NXN: variants seen among roughly 807,000 people sequenced by gnomAD.
NXN encodes nucleoredoxin 1.
A neutral mutation model predicts 48.6 loss-of-function variants in NXN; 16 were observed. The observed-to-expected ratio is 0.33, with a 90% CI of 0.22 to 0.50. The LOEUF is 0.50. Among genes scored for constraint, NXN ranks in the 20% least tolerant of loss-of-function variants. The pLI, the probability that NXN is intolerant of heterozygous loss-of-function variation, is 0.98. For synonymous variants in NXN, 281 were observed against 269.6 expected, an observed-to-expected ratio of 1.04 and a Z score of -0.41; for missense variants, 492 against 605.5, an observed-to-expected ratio of 0.81 and a Z score of 1.97.
intron 1 of NXN, among the ~76,000 whole-genome samples, chr17:885,394 T>A (rs1207026782): frequency 6.6e-6 from 1 of 151,702 alleles, no homozygotes; most frequent in East Asian, 2.0e-4. Flanking sequence ...GGAGAATCAC[T>A]TGAACCCGGG....
At chr17:948,804 C>T (rs1349770982) in intron 1 of NXN, among the ~76,000 whole-genome samples, 1 of 151,394 alleles carries the variant, frequency 6.6e-6, no homozygotes, top group Non-Finnish European at 1.5e-5. Flanking sequence ...AGGGCCAGGG[C>T]ACGGCCTCCT....
chr17:869,748 G>A (rs980350384), intron 1 of NXN, among the ~76,000 whole-genome samples: 5 of 152,218 alleles, frequency 3.3e-5, no homozygotes, highest in Admixed American at 1.3e-4. Context: ...AAATCTTGAC[G>A]CTCTTTTTCA....
At chr17:851,211 C>A (rs918411975) in intron 1 of NXN, among the ~76,000 whole-genome samples, 2 of 152,214 alleles carry the variant, frequency 1.3e-5, no homozygotes, top group African/African-American at 4.8e-5. Context: ...CCGGGGGATG[C>A]GGTGGGGAGG....
At chr17:934,449 GAA>G (rs145868182) in intron 1 of NXN, among the ~76,000 whole-genome samples, 7 of 138,590 alleles carry the variant, frequency 5.1e-5, no homozygotes, top group African/African-American at 1.1e-4. Context: ...CTGTCTCAAA[GAA>G]AAAAAAAAAA....
At chr17:974,063 CCTCATGCCGGGCGCGGTGG>C (rs1210198007) in intron 1 of NXN, among the ~76,000 whole-genome samples, 1 of 151,752 alleles carries the variant, frequency 6.6e-6, no homozygotes, top group Non-Finnish European at 1.5e-5. Context: ...TAAAAATATA[CCTCATGCCGGGCGCGGTGG>C]CTCATGCCTG....
chr17:810,287 C>T (rs77442636), intron 5 of NXN, among the ~76,000 whole-genome samples: 80 of 82,344 alleles, frequency 9.7e-4, no homozygotes, highest in South Asian at 2.9e-3. Context: ...CTGTGAGTGG[C>T]GTGCACGTTA....
At chr17:962,649 A>G (rs1034643199) in intron 1 of NXN, among the ~76,000 whole-genome samples, 5 of 152,168 alleles carry the variant, frequency 3.3e-5, no homozygotes, top group African/African-American at 1.2e-4. Context: ...AAATACAGCA[A>G]CCTTCAGTAA....
At chr17:839,805 A>AAAAAAAAAAAAAAAAAG (rs1567826433) in intron 1 of NXN, among the ~76,000 whole-genome samples, 2 of 142,926 alleles carry the variant, frequency 1.4e-5, no homozygotes, top group Non-Finnish European at 3.1e-5. Context: ...GTTAAAAAAA[A>AAAAAAAAAAAAAAAAAG]AAAAAAAAAG....
chr17:918,152 T>C (rs368584587), intron 1 of NXN, among the ~76,000 whole-genome samples: 1 of 152,050 alleles, frequency 6.6e-6, no homozygotes, highest in South Asian at 2.1e-4. Flanking sequence ...ACACTCAATA[T>C]CACCTCCCCC....
intron 1 of NXN, among the ~76,000 whole-genome samples, chr17:927,817 C>G (rs2068816635): frequency 6.6e-6 from 1 of 152,076 alleles, no homozygotes; most frequent in South Asian, 2.1e-4. Flanking sequence ...TTCAAAAGAA[C>G]TCCTAGAGAC....
chr17:871,657 A>G lies in NXN; in HGVS notation c.361-45579T>C, dbSNP rs2068156626. ...TGACCTCAGGTGATCCACCTGCCTC[A>G]GCCTCCCAAAGTGCTGGGTACAGGC... On this transcript the variant is annotated intron_variant, in intron 1 of 7. Transcript: ENST00000336868. Among the ~76,000 whole-genome samples, 3 of 151,944 alleles carry G rather than the reference A, an allele frequency of 2.0e-5. No individual in the cohort carries two copies. The South Asian group carries it at 6.3e-4, about 32-fold the overall frequency.
chr17:803,128 T>C (rs1367987458), intron 7 of NXN, among the ~76,000 whole-genome samples: 2 of 152,312 alleles, frequency 1.3e-5, no homozygotes, highest in African/African-American at 4.8e-5. Context: ...AAGCCCCACT[T>C]TCCCACCCTG....
intron 1 of NXN, among the ~76,000 whole-genome samples, chr17:864,429 C>T (rs1036613440): frequency 6.6e-6 from 1 of 152,198 alleles, no homozygotes; most frequent in African/African-American, 2.4e-5. Flanking sequence ...GACAAGACAC[C>T]AGCCTCAACG....
intron 1 of NXN, among the ~76,000 whole-genome samples, chr17:889,766 A>AAAGAAAGG: frequency 6.9e-6 from 1 of 143,892 alleles, no homozygotes; most frequent in East Asian, 2.0e-4. Context: ...AAAGAAAAAG[A>AAAGAAAGG]AAGAAAGAAA....
At chr17:806,699 A>T (rs1024839207) in intron 5 of NXN, among the ~76,000 whole-genome samples, 1 of 152,108 alleles carries the variant, frequency 6.6e-6, no homozygotes, top group African/African-American at 2.4e-5. Context: ...CTCCGCTGAC[A>T]TTCTCCTTCC....
At chr17:838,501 A>C (rs1204974078) in intron 1 of NXN, among the ~76,000 whole-genome samples, 1 of 152,330 alleles carries the variant, frequency 6.6e-6, no homozygotes, top group South Asian at 2.1e-4. Context: ...GAGCTGAATC[A>C]GCTGTGACTT....
chr17:918,998 G>A (rs1336661533), intron 1 of NXN, among the ~76,000 whole-genome samples: 1 of 151,916 alleles, frequency 6.6e-6, no homozygotes, highest in Non-Finnish European at 1.5e-5. Flanking sequence ...CCAGGAGTTT[G>A]AGGCTGCAGT....
intron 1 of NXN, among the ~76,000 whole-genome samples, chr17:966,530 A>G (rs2069306044): frequency 6.6e-6 from 1 of 151,294 alleles, no homozygotes; most frequent in African/African-American, 2.4e-5. Flanking sequence ...TATTTTTAGT[A>G]GAGACGGGGT....
intron 1 of NXN, among the ~76,000 whole-genome samples, chr17:929,163 C>T (rs1486477001): frequency 6.6e-6 from 1 of 152,220 alleles, no homozygotes; most frequent in Non-Finnish European, 1.5e-5. Flanking sequence ...CTGGCAACGT[C>T]GGCCTTCATT....
Sources: gnomAD v4.1 joint callset for allele counts (sites outside exome capture counted in the v4.1 genomes callset) on GRCh38, gnomAD v4.1.1 for gene constraint, MANE v1.5 for transcripts, NCBI Gene and HGNC (gene_info 2026-07-23, HGNC 2026-07-21) for gene names.